Variants in LIN28B observed in about 807,000 individuals in gnomAD.
The protein encoded by LIN28B is lin-28 RNA binding posttranscriptional regulator B.
In LIN28B, 5 loss-of-function variants were observed where a neutral mutation model predicts 21.9. The observed-to-expected ratio is 0.23, with a 90% CI of 0.12 to 0.48. The LOEUF (loss-of-function observed/expected upper bound fraction) is 0.48, where lower values mean the gene tolerates loss of function less well. Among genes scored for constraint, LIN28B ranks in the 20% least tolerant of loss-of-function variants. The pLI is 0.98. For synonymous variants in LIN28B, 109 were observed against 111.3 expected (o/e 0.98, Z 0.13); for missense variants, 245 against 310.5 (o/e 0.79, Z 1.58).
At chr6:104,975,063 G>A (rs904160532) in intron 2 of LIN28B, among the ~76,000 whole-genome samples, 3 of 151,974 alleles carry the variant, frequency 2.0e-5, no homozygotes, top group Non-Finnish European at 2.9e-5. Context: ...CAGGTGATCC[G>A]CCCACTTCGG....
intron 3 of LIN28B, among the ~76,000 whole-genome samples, chr6:105,058,700 T>C (rs1040346838): frequency 2.6e-5 from 4 of 152,252 alleles, no homozygotes; most frequent in Non-Finnish European, 5.9e-5. Flanking sequence ...TTGTTCAGAA[T>C]ATTTTATATG....
chr6:104,985,835 G>A (rs2114258541), intron 2 of LIN28B, among the ~76,000 whole-genome samples: 1 of 152,248 alleles, frequency 6.6e-6, no homozygotes, highest in Admixed American at 6.5e-5. Context: ...TCAAGTAGAT[G>A]TCAAGGTTTA....
At chr6:105,046,793 C>G (rs1771775744) in intron 3 of LIN28B, among the ~76,000 whole-genome samples, 1 of 152,102 alleles carries the variant, frequency 6.6e-6, no homozygotes, top group Admixed American at 6.5e-5. Context: ...TTTCATGTGT[C>G]TTTTGGCTGC....
chr6:104,973,139 A>G (rs1417935733), intron 2 of LIN28B, among the ~76,000 whole-genome samples: 1 of 151,442 alleles, frequency 6.6e-6, no homozygotes. Context: ...TTAACAAATG[A>G]TGTTTGGGAA....
rs1770850262 is a variant in LIN28B, at chr6:105,007,969, T to G, written c.199-18329T>G. Among the ~76,000 whole-genome samples, 3 of 152,162 alleles carry G rather than the reference T, an allele frequency of 2.0e-5. No homozygotes were observed. The South Asian group carries it at 6.2e-4, about 32-fold the overall frequency. On this transcript the variant is annotated intron_variant, in intron 2 of 3. Coordinates refer to ENST00000345080, the MANE Select transcript of LIN28B (RefSeq NM_001004317.4). The stretch of plus-strand genomic sequence containing the variant: ...CCCCTTTTTAAATCATAAATTGTTA[T>G]ATGTTGTCATTAAAAAACACCTCAA...
At chr6:105,063,300 G>T (rs1772156254) in intron 3 of LIN28B, among the ~76,000 whole-genome samples, 2 of 152,004 alleles carry the variant, frequency 1.3e-5, no homozygotes, top group South Asian at 4.2e-4. Context: ...TGAATTCTCA[G>T]CTGTGTTCAA....
intron 2 of LIN28B, among the ~76,000 whole-genome samples, chr6:104,976,835 A>G (rs1324533687): frequency 6.6e-6 from 1 of 152,208 alleles, no homozygotes; most frequent in Non-Finnish European, 1.5e-5. Context: ...ATGAAGCTCA[A>G]GCCAAGGTTG....
intron 1 of LIN28B, 23 bp downstream of exon 1, chr6:104,957,283 T>C: frequency 6.4e-7 from 1 of 1,552,544 alleles, no homozygotes; most frequent in Non-Finnish European, 8.9e-7. Flanking sequence ...TTCTATTGTT[T>C]TACTGTGAAT....
In LIN28B at chr6:105,055,482, G is replaced by A. The variant is rs113126900; in HGVS notation, c.384-22932G>A. 1.3e-3 allele frequency among the ~76,000 whole-genome samples: 191 copies of A among 152,252 alleles called. 2 individuals carry two copies. Among genetic ancestry groups the A allele is most frequent in the African/African-American group, 4.5e-3 (185 of 41,536 alleles). On this transcript the variant is annotated intron_variant, in intron 3 of 3. Coordinates refer to ENST00000345080, the MANE Select transcript of LIN28B (RefSeq NM_001004317.4). ...TCTCCCTCCTTAGTCTTGATTAAGG[G>A]CCAGGTTGCATGTGCACAGGTTGAG...
At chr6:105,053,381 T>C (rs1771948914) in intron 3 of LIN28B, among the ~76,000 whole-genome samples, 1 of 99,252 alleles carries the variant, frequency 1.0e-5, no homozygotes, top group Non-Finnish European at 2.1e-5. Context: ...CTATGTCTTA[T>C]GGTGTGTGTG....
chr6:104,948,717 A>G lies in LIN28B; in HGVS notation c.19-1744A>G, dbSNP rs563573551. ...ATAATATCTACATTTAAACAATGCT[A>G]TTTTTTCTACTCTTGTTTTTGAACA... On this transcript the variant is annotated intron_variant, in intron 2 of 5. Transcript: ENST00000635857. Among the ~76,000 whole-genome samples the G allele has an allele frequency of 5.3e-5, 8 of 152,260 alleles. No homozygotes were observed. In the East Asian group the frequency reaches 1.5e-3, roughly 29 times the overall value.
At chr6:105,001,682 G>A (rs971027601) in intron 2 of LIN28B, among the ~76,000 whole-genome samples, 1 of 152,130 alleles carries the variant, frequency 6.6e-6, no homozygotes, top group African/African-American at 2.4e-5. Context: ...GGAAGACAAG[G>A]AGAAAGAAGT....
intron 2 of LIN28B, among the ~76,000 whole-genome samples, chr6:104,945,959 T>A (rs1778151985): frequency 6.6e-6 from 1 of 152,074 alleles, no homozygotes; most frequent in East Asian, 1.9e-4. Context: ...ATATCTTATA[T>A]GAAACAAATA....
chr6:105,053,714 C>CGTT (rs1554190421), intron 3 of LIN28B, among the ~76,000 whole-genome samples: 1 of 147,274 alleles, frequency 6.8e-6, no homozygotes, highest in Non-Finnish European at 1.5e-5. Flanking sequence ...TGTGTGGGTG[C>CGTT]GTGTGTGTGT....
intron 2 of LIN28B, among the ~76,000 whole-genome samples, chr6:104,981,927 C>A (rs1342359997): frequency 6.6e-6 from 1 of 152,150 alleles, no homozygotes; most frequent in Non-Finnish European, 1.5e-5. Flanking sequence ...TATTTACAAA[C>A]TGGTCAGACG....
chr6:105,028,695 T>G, intron 3 of LIN28B, among the ~76,000 whole-genome samples: 1 of 152,184 alleles, frequency 6.6e-6, no homozygotes. Context: ...AGACATTTAA[T>G]TAGAGATACA....
intron 2 of LIN28B, among the ~76,000 whole-genome samples, chr6:105,005,413 A>T (rs1167889376): frequency 1.3e-5 from 2 of 151,912 alleles, no homozygotes; most frequent in Non-Finnish European, 2.9e-5. Context: ...CTCCTTTCTT[A>T]GTTCTCTTTT....
intron 2 of LIN28B, among the ~76,000 whole-genome samples, chr6:105,023,307 AATTAT>A (rs1232388098): frequency 1.4e-3 from 42 of 30,492 alleles, no homozygotes; most frequent in African/African-American, 4.5e-3. Flanking sequence ...ATTTATATAT[AATTAT>A]ATTATATATA....
chr6:105,011,622 G>A (rs1277138464), intron 2 of LIN28B, among the ~76,000 whole-genome samples: 1 of 152,166 alleles, frequency 6.6e-6, no homozygotes, highest in African/African-American at 2.4e-5. Context: ...GGCCGAGGCA[G>A]GCAGATCACC....
Sources: allele counts gnomAD v4.1 joint callset (sites outside exome capture counted in the v4.1 genomes callset), GRCh38; gene constraint gnomAD v4.1.1; transcripts MANE v1.5; gene names NCBI Gene and HGNC (gene_info 2026-07-23, HGNC 2026-07-21).